ULK4: variants seen among roughly 807,000 people sequenced by gnomAD.
The protein encoded by ULK4 is inactive serine/threonine-protein kinase ULK4.
ULK4 carries 133 observed loss-of-function variants against 160.6 expected under a neutral mutation model. That is an observed-to-expected ratio of 0.83 (90% CI 0.72 to 0.96). ULK4 has a LOEUF of 0.96. Among genes scored for constraint, ULK4 ranks in the 40% least tolerant of loss-of-function variants. The pLI, the probability that ULK4 is intolerant of heterozygous loss-of-function variation, is 0.00. For missense variants in ULK4, 1,580 were observed against 1,499.5 expected (o/e 1.05, Z -0.89); for synonymous variants, 534 against 539.8 (o/e 0.99, Z 0.15).
At position 41,705,290 on chromosome 3, in the gene ULK4, C is replaced by T. The variant is rs2036835641; in HGVS notation, c.2650G>A (p.Val884Ile). The T allele has an allele frequency of 1.2e-6, 2 of 1,611,990 alleles. No individual in the cohort carries two copies. Among genetic ancestry groups the T allele is most frequent in the South Asian group, 1.1e-5 (1 of 90,434 alleles). ...TCTATGTTCGTTTCTCCTGAGTCTA[C>T]AGATTTAATATGACTCTGAAAAAAA... ...YGTILSHIKS[V>I]DSGETNIDGA... is the part of the protein sequence containing the mutation. The change falls in exon 26 of 37, where the codon GTA becomes ATA. Residue 884 changes from valine to isoleucine, a missense_variant. Coordinates refer to ENST00000301831, the MANE Select transcript of ULK4 (RefSeq NM_017886.4).
At chr3:41,488,785 C>A (rs533535902) in intron 32 of ULK4, among the ~76,000 whole-genome samples, 87 of 152,270 alleles carry the variant, frequency 5.7e-4, no homozygotes, top group African/African-American at 1.7e-3. Context: ...AAGCTTGATA[C>A]TGAGAAAAGT....
intron 31 of ULK4, among the ~76,000 whole-genome samples, chr3:41,583,809 A>C (rs1048667031): frequency 2.6e-5 from 4 of 152,222 alleles, no homozygotes; most frequent in Non-Finnish European, 5.9e-5. Flanking sequence ...CTAGATGTGG[A>C]TCCTAGGGTA....
At chr3:41,380,294 T>C (rs915759048) in intron 35 of ULK4, among the ~76,000 whole-genome samples, 2 of 152,210 alleles carry the variant, frequency 1.3e-5, no homozygotes, top group African/African-American at 2.4e-5. Flanking sequence ...AAGAGACTCA[T>C]TTTTATGATG....
chr3:41,303,801 C>T (rs1436236338), intron 35 of ULK4, among the ~76,000 whole-genome samples: 2 of 152,016 alleles, frequency 1.3e-5, no homozygotes, highest in African/African-American at 4.8e-5. Context: ...GGGGGAAGAG[C>T]AGCCTGCAGT....
intron 35 of ULK4, among the ~76,000 whole-genome samples, chr3:41,279,466 A>G (rs2125693416): frequency 1.3e-5 from 2 of 152,250 alleles, no homozygotes; most frequent in Middle Eastern, 6.8e-3. Flanking sequence ...AGAACCCCAC[A>G]AAGATACTCC....
At chr3:41,371,402 C>T (rs1325029503) in intron 35 of ULK4, among the ~76,000 whole-genome samples, 2 of 152,168 alleles carry the variant, frequency 1.3e-5, no homozygotes, top group Non-Finnish European at 2.9e-5. Flanking sequence ...AGAGCTCCAG[C>T]TGACATCTGG....
intron 32 of ULK4, among the ~76,000 whole-genome samples, chr3:41,548,981 A>C (rs1303109056): frequency 6.6e-6 from 1 of 152,162 alleles, no homozygotes; most frequent in East Asian, 1.9e-4. Context: ...CTGCTGCATG[A>C]ACCCTGAATC....
chr3:41,581,434 T>C (rs1338219040), intron 31 of ULK4, among the ~76,000 whole-genome samples: 5 of 152,134 alleles, frequency 3.3e-5, no homozygotes, highest in African/African-American at 1.2e-4. Context: ...CAAACATATA[T>C]ACACATAGAT....
intron 35 of ULK4, among the ~76,000 whole-genome samples, chr3:41,355,313 A>G (rs949792645): frequency 6.6e-6 from 1 of 152,178 alleles, no homozygotes; most frequent in African/African-American, 2.4e-5. Context: ...AAAGAGATAC[A>G]ATCCTGGCTT....
intron 34 of ULK4, among the ~76,000 whole-genome samples, chr3:41,422,962 T>C (rs775120226): frequency 1.2e-4 from 19 of 152,122 alleles, no homozygotes; most frequent in Non-Finnish European, 2.6e-4. Flanking sequence ...AAATAAACCA[T>C]TGTACATTCA....
At chr3:41,379,599 C>T (rs1462153902) in intron 35 of ULK4, among the ~76,000 whole-genome samples, 1 of 152,134 alleles carries the variant, frequency 6.6e-6, no homozygotes, top group East Asian at 1.9e-4. Flanking sequence ...GCCAATGAGA[C>T]CTGATCTATG....
intron 25 of ULK4, 24 bp downstream of exon 25, chr3:41,715,213 C>T (rs368507690): frequency 6.9e-6 from 11 of 1,604,808 alleles, no homozygotes; most frequent in Non-Finnish European, 9.3e-6. Context: ...TTATTAGAAA[C>T]AAGGAAAATT....
chr3:41,648,193 G>A (rs759023823), intron 30 of ULK4, among the ~76,000 whole-genome samples: 2 of 152,254 alleles, frequency 1.3e-5, no homozygotes, highest in Non-Finnish European at 2.9e-5. Flanking sequence ...CACAAAGTGC[G>A]CTGCTCCCAC....
chr3:41,448,987 G>A (rs890074214), intron 34 of ULK4, among the ~76,000 whole-genome samples: 2 of 152,004 alleles, frequency 1.3e-5, no homozygotes, highest in Non-Finnish European at 2.9e-5. Context: ...CTGGTTTCTC[G>A]GCTCACTGCA....
At chr3:41,870,167 T>A (rs893696824) in intron 17 of ULK4, among the ~76,000 whole-genome samples, 2 of 152,248 alleles carry the variant, frequency 1.3e-5, no homozygotes, top group Non-Finnish European at 2.9e-5. Flanking sequence ...AGTTTGACCA[T>A]GATGAGCCTA....
At chr3:41,620,010 T>C (rs2033162736) in intron 30 of ULK4, among the ~76,000 whole-genome samples, 1 of 152,100 alleles carries the variant, frequency 6.6e-6, no homozygotes, top group South Asian at 2.1e-4. Context: ...CTAGAAAATC[T>C]AGAAGAAATG....
At chr3:41,430,672 T>C (rs1449631581) in intron 34 of ULK4, among the ~76,000 whole-genome samples, 1 of 152,166 alleles carries the variant, frequency 6.6e-6, no homozygotes, top group East Asian at 1.9e-4. Context: ...GTAATATAAT[T>C]ATAGAACATG....
At chr3:41,751,678 A>C (rs2038635691) in intron 22 of ULK4, among the ~76,000 whole-genome samples, 1 of 152,210 alleles carries the variant, frequency 6.6e-6, no homozygotes, top group Admixed American at 6.5e-5. Flanking sequence ...CTGAAGGTGT[A>C]AGTGGTTTAG....
intron 21 of ULK4, among the ~76,000 whole-genome samples, chr3:41,784,483 GTT>G: frequency 1.3e-5 from 2 of 152,236 alleles, no homozygotes; most frequent in South Asian, 4.1e-4. Context: ...GAAAAAGGTG[GTT>G]TTTTACTTTG....
Sources: allele counts gnomAD v4.1 joint callset (sites outside exome capture counted in the v4.1 genomes callset), GRCh38; gene constraint gnomAD v4.1.1; transcripts MANE v1.5; gene names NCBI Gene and HGNC (gene_info 2026-07-23, HGNC 2026-07-21).